TENT5D: variants seen among roughly 807,000 people sequenced by gnomAD.
TENT5D encodes cancer/testis antigen 112.
For missense variants in TENT5D, 191 were observed against 287.0 expected, an observed-to-expected ratio of 0.67 and a Z score of 2.42; for synonymous variants, 103 against 100.6, an observed-to-expected ratio of 1.02 and a Z score of -0.15.
chrX:80,408,517 C>T lies in TENT5D; in HGVS notation c.-141-30093C>T, dbSNP rs1292324474. 1.4e-3 allele frequency among the ~76,000 whole-genome samples: 150 copies of T among 109,011 alleles called. 1 individual carries two copies. The East Asian group carries it at 0.014, about 10-fold the overall frequency. The allele number at this position is 109,011 out of a possible 115,157, so 94.7% of individuals were successfully genotyped here. A position where few individuals can be genotyped will look rare whatever the true frequency, so the allele number is the denominator to read the frequency against. The stretch of plus-strand genomic sequence containing the variant: ...ATCTAGAAGAAATGGATAAATTCCT[C>T]GACACATACACTCTCCCAAGACTAA... On this transcript the variant is annotated intron_variant, in intron 3 of 4. Transcript: ENST00000538312.
At chrX:80,394,764 G>C (rs770245952) in intron 3 of TENT5D, among the ~76,000 whole-genome samples, 3 of 111,131 alleles carry the variant, frequency 2.7e-5, no homozygotes, top group Non-Finnish European at 3.8e-5. Context: ...GTACATGTTT[G>C]TAGGTTACAG....
At chrX:80,441,083 A>C (rs1323605760) in intron 2 of TENT5D, among the ~76,000 whole-genome samples, 1 of 111,484 alleles carries the variant, frequency 9.0e-6, no homozygotes. Context: ...ATATGTAATC[A>C]GTTTGGTCCA....
intron 3 of TENT5D, among the ~76,000 whole-genome samples, chrX:80,360,791 A>G (rs1190411398): frequency 8.9e-6 from 1 of 112,107 alleles, no homozygotes; most frequent in African/African-American, 3.2e-5. Flanking sequence ...TCCATATTGA[A>G]GTAAAATTGA....
intron 3 of TENT5D, among the ~76,000 whole-genome samples, chrX:80,403,007 C>T (rs762778965): frequency 6.3e-5 from 7 of 111,899 alleles, no homozygotes; most frequent in African/African-American, 1.9e-4. Context: ...TATTGCATTG[C>T]AATCTGTCTC....
chrX:80,403,779 A>G (rs1168543987), intron 3 of TENT5D, among the ~76,000 whole-genome samples: 5 of 111,789 alleles, frequency 4.5e-5, no homozygotes, highest in African/African-American at 1.6e-4. Flanking sequence ...CTTTGGGTGG[A>G]TTGGCCCTTG....
At chrX:80,385,811 C>A (rs1395802123) in intron 3 of TENT5D, among the ~76,000 whole-genome samples, 7 of 112,390 alleles carry the variant, frequency 6.2e-5, no homozygotes, top group African/African-American at 2.3e-4. Context: ...AAACAAAAGA[C>A]ACATGAAAAA....
intron 3 of TENT5D, among the ~76,000 whole-genome samples, chrX:80,362,746 C>G (rs1290558552): frequency 9.0e-6 from 1 of 111,577 alleles, no homozygotes; most frequent in Non-Finnish European, 1.9e-5. Context: ...TAATGGGACT[C>G]TATTCCATTT....
chrX:80,357,680 A>C (rs1413390621), intron 3 of TENT5D, among the ~76,000 whole-genome samples: 1 of 111,208 alleles, frequency 9.0e-6, no homozygotes, highest in East Asian at 2.8e-4. Flanking sequence ...AGATGAGTAG[A>C]TTGCAAATCC....
chrX:80,407,220 A>G (rs1348329994), intron 3 of TENT5D, among the ~76,000 whole-genome samples: 4 of 109,910 alleles, frequency 3.6e-5, no homozygotes, highest in African/African-American at 1.3e-4. Context: ...AGCTAACATC[A>G]TAATGACAGG....
At chrX:80,396,785 T>G (rs1488815860) in intron 3 of TENT5D, among the ~76,000 whole-genome samples, 2 of 99,554 alleles carry the variant, frequency 2.0e-5, no homozygotes, top group Non-Finnish European at 4.1e-5. Context: ...AATGAGCTGT[T>G]GGGTACACCT....
At chrX:80,346,416 T>G (rs1930062231) in intron 3 of TENT5D, among the ~76,000 whole-genome samples, 1 of 112,180 alleles carries the variant, frequency 8.9e-6, no homozygotes, top group Non-Finnish European at 1.9e-5. Flanking sequence ...ACTTCAAAAC[T>G]GTTTTCTGGA....
At chrX:80,368,736 ATTAC>A (rs1930560060) in intron 3 of TENT5D, among the ~76,000 whole-genome samples, 1 of 111,669 alleles carries the variant, frequency 9.0e-6, no homozygotes, top group African/African-American at 3.3e-5. Context: ...TTAAAACAGA[ATTAC>A]TTAGAGCTGT....
chrX:80,399,595 G>A lies in TENT5D; in HGVS notation c.-141-39015G>A, dbSNP rs1931353092. Among the ~76,000 whole-genome samples the A allele has an allele frequency of 3.6e-5, 4 of 111,643 alleles. No individual in the cohort carries two copies. The South Asian group carries it at 1.5e-3, about 42-fold the overall frequency. ...TGAAATCCTGAAAAATCAAAATCCTGAAAATGTAATTCAGTAAAAAAGAAT... is the reference window on the plus strand; with the variant it reads ...TGAAATCCTGAAAAATCAAAATCCTAAAAATGTAATTCAGTAAAAAAGAAT... On this transcript the variant is annotated intron_variant, in intron 3 of 4. Transcript: ENST00000538312.
chrX:80,365,221 G>A (rs1008501870), intron 3 of TENT5D, among the ~76,000 whole-genome samples: 3 of 111,554 alleles, frequency 2.7e-5, no homozygotes, highest in African/African-American at 9.8e-5. Context: ...AGACATTGTA[G>A]ATTATACTTT....
chrX:80,345,829 G>A (rs1440369444), intron 3 of TENT5D, among the ~76,000 whole-genome samples: 1 of 111,042 alleles, frequency 9.0e-6, no homozygotes, highest in African/African-American at 3.3e-5. Context: ...TAATCTGCAG[G>A]GTTTCCATAA....
chrX:80,418,201 G>A (rs894441868), upstream of TENT5D, among the ~76,000 whole-genome samples: 9 of 109,945 alleles, frequency 8.2e-5, no homozygotes, highest in African/African-American at 2.0e-4. Context: ...CCAGGCTGGA[G>A]TGCAGTGGGG....
intron 3 of TENT5D, among the ~76,000 whole-genome samples, chrX:80,377,843 C>G (rs757823628): frequency 8.9e-5 from 10 of 111,890 alleles, no homozygotes; most frequent in African/African-American, 1.3e-4. Context: ...CTAGTTTACA[C>G]TCCCACCAAC....
chrX:80,430,656 G>C (rs1189422468), intron 1 of TENT5D, among the ~76,000 whole-genome samples: 3 of 111,658 alleles, frequency 2.7e-5, no homozygotes, highest in Admixed American at 1.9e-4. Context: ...TTCCTGAGGA[G>C]GCCAGGCCTT....
At chrX:80,436,849 A>G (rs1236913282) in intron 1 of TENT5D, among the ~76,000 whole-genome samples, 7 of 111,845 alleles carry the variant, frequency 6.3e-5, no homozygotes, top group Non-Finnish European at 1.3e-4. Context: ...CTTTCTCTAT[A>G]ATTAGGCAAC....
Sources: allele counts gnomAD v4.1 joint callset (sites outside exome capture counted in the v4.1 genomes callset), GRCh38; gene constraint gnomAD v4.1.1; transcripts MANE v1.5; gene names NCBI Gene and HGNC (gene_info 2026-07-23, HGNC 2026-07-21).